Variants in ARIH2 observed in about 807,000 individuals in gnomAD.
ARIH2 encodes the protein ariadne RBR E3 ubiquitin protein ligase 2, also known as E3 ubiquitin-protein ligase ARIH2.
A neutral mutation model predicts 79.8 loss-of-function variants in ARIH2; 12 were observed. The observed-to-expected ratio is 0.15, with a 90% CI of 0.10 to 0.24. ARIH2 has a LOEUF of 0.24. ARIH2 is among the 10% of genes least tolerant of loss of function. ARIH2 has a pLI of 1.00. For missense variants in ARIH2, 301 were observed against 618.3 expected (o/e 0.49, Z 5.44); for synonymous variants, 224 against 213.9 (o/e 1.05, Z -0.41).
chr3:48,927,972 T>C (rs2085862304), intron 3 of ARIH2, 159 bp downstream of exon 3: 1 of 918,910 alleles, frequency 1.1e-6, no homozygotes, highest in Non-Finnish European at 1.6e-6. Context: ...TTACATTTAC[T>C]TTGTTTTCTA....
At chr3:48,929,223 TC>T (rs1275985348) in intron 3 of ARIH2, among the ~76,000 whole-genome samples, 1 of 152,158 alleles carries the variant, frequency 6.6e-6, no homozygotes, top group Non-Finnish European at 1.5e-5. Context: ...ATGAGGATGT[TC>T]CTGTCTATAC....
At chr3:48,968,690 C>A in intron 7 of ARIH2, 35 bp downstream of exon 7, 1 of 1,591,812 alleles carries the variant, frequency 6.3e-7, no homozygotes, top group South Asian at 1.1e-5. Flanking sequence ...TCTGTCTTCC[C>A]GGGCCTACCT....
intron 3 of ARIH2, among the ~76,000 whole-genome samples, chr3:48,929,367 G>A (rs556641353): frequency 6.8e-6 from 1 of 148,106 alleles, no homozygotes; most frequent in Admixed American, 6.8e-5. Flanking sequence ...TTTTTTAATT[G>A]TGGTAAAATA....
chr3:48,947,459 G>GAAAAAAAAA (rs1281611380), intron 3 of ARIH2, among the ~76,000 whole-genome samples: 1 of 144,106 alleles, frequency 6.9e-6, no homozygotes, highest in African/African-American at 2.6e-5. Context: ...AAAAAAAAAG[G>GAAAAAAAAA]AAAAAAAAAG....
chr3:48,959,705 G>A (rs1301009616), intron 3 of ARIH2, among the ~76,000 whole-genome samples: 1 of 151,580 alleles, frequency 6.6e-6, no homozygotes, highest in East Asian at 1.9e-4. Context: ...AGCATGCACG[G>A]GTCAGATGCC....
At chr3:48,955,525 T>C (rs189809951) in intron 3 of ARIH2, among the ~76,000 whole-genome samples, 17 of 152,158 alleles carry the variant, frequency 1.1e-4, no homozygotes, top group Admixed American at 1.1e-3. Flanking sequence ...CTCTTCACAA[T>C]TGAACAAATT....
At chr3:48,949,227 C>T (rs549206211) in intron 3 of ARIH2, 22 of 394,404 alleles carry the variant, frequency 5.6e-5, no homozygotes, top group African/African-American at 4.5e-4. Flanking sequence ...ATGGCATTCT[C>T]CTGCCTCAGC....
At chr3:48,923,641 C>T (rs749328616) in intron 2 of ARIH2, among the ~76,000 whole-genome samples, 2 of 151,738 alleles carry the variant, frequency 1.3e-5, no homozygotes, top group Non-Finnish European at 2.9e-5. Flanking sequence ...CCTGCTTCAA[C>T]CTCCTGAGTA....
Position 48,927,608 on chromosome 3 carries a change from A to G in ARIH2, c.50A>G (p.Tyr17Cys), listed in dbSNP as rs1188970482. ...GGGTCTGACAGCAATGAAGAGGACT[A>G]TGACCCAAATTGTGAGGAAGAGGAA... The part of the protein sequence containing the change: ...SQGSDSNEED[Y>C]DPNCEEEEEE... Residue 17 changes from tyrosine (Y) to cysteine (C), a missense_variant, in exon 3 of 16, where the codon TAT becomes TGT. Tyr to Cys is a radical substitution (Grantham distance 194). This residue lies in a region of ARIH2 where 223 missense variants were observed against 349.4 expected (regional missense o/e 0.64). Transcript: ENST00000356401. 5.6e-6 allele frequency: 9 copies of G among 1,613,948 alleles called. No individual in the cohort carries two copies. Among genetic ancestry groups the G allele is most frequent in the East Asian group, 2.2e-5 (1 of 44,892 alleles).
intron 3 of ARIH2, chr3:48,934,678 G>C (rs1056946805): frequency 1.5e-5 from 15 of 985,304 alleles, no homozygotes; most frequent in Non-Finnish European, 1.7e-5. Context: ...TGTGTTTACT[G>C]ATGTGTAAAT....
intron 3 of ARIH2, among the ~76,000 whole-genome samples, chr3:48,939,219 C>T (rs1349519118): frequency 3.3e-5 from 5 of 152,018 alleles, no homozygotes; most frequent in Non-Finnish European, 1.5e-5. Context: ...CTGCCTGCCT[C>T]GGCCTCCCAA....
chr3:48,968,435 C>T, intron 6 of ARIH2, 99 bp from the exon 7 acceptor site: 2 of 1,220,210 alleles, frequency 1.6e-6, no homozygotes, highest in Non-Finnish European at 2.3e-6. Context: ...TCTCGAACTC[C>T]CGACCTCAGG....
At chr3:48,965,726 C>T (rs1185262127) in intron 5 of ARIH2, among the ~76,000 whole-genome samples, 13 of 152,134 alleles carry the variant, frequency 8.5e-5, no homozygotes, top group East Asian at 1.9e-4. Context: ...TTTGGGGGGC[C>T]GAGGCGGGCG....
At chr3:48,983,066 G>A in intron 15 of ARIH2, 87 bp downstream of exon 15, 1 of 1,495,294 alleles carries the variant, frequency 6.7e-7, no homozygotes, top group Non-Finnish European at 9.3e-7. Context: ...CTTGTGCACT[G>A]GTAGCTGCTG....
Position 48,927,544 on chromosome 3 carries a change from T to C in ARIH2, c.-15T>C. 1.2e-6 allele frequency: 2 copies of C among 1,610,874 alleles called. No individual in the cohort carries two copies. Among genetic ancestry groups the C allele is most frequent in the Non-Finnish European group, 1.7e-6 (2 of 1,178,678 alleles). On this transcript the variant is annotated 5_prime_UTR_variant, in exon 3 of 16. Transcript: ENST00000356401. ...GCAACTGCTTTCCTGATCTGCAACT[T>C]GGCTGGATGCTAAGATGTCAGTGGA...
intron 6 of ARIH2, among the ~76,000 whole-genome samples, chr3:48,967,688 A>G (rs1198909886): frequency 6.6e-6 from 1 of 152,232 alleles, no homozygotes. Flanking sequence ...TGATACTGAA[A>G]CACATTAGCA....
chr3:48,970,699 C>T lies in ARIH2; in HGVS notation c.765C>T (p.Val255=), dbSNP rs753216184. The part of the protein sequence containing the change: ...RRVQCNRCNE[V]FCFKCRQMYH... ...TACAGTGCAATCGGTGCAACGAGGT[C>T]TTCTGGTAAGAGTGAGTGTGAGTGC... The change falls in exon 8 of 16, where the codon GTC becomes GTT. Residue 255 remains valine, a synonymous_variant. Coordinates refer to ENST00000356401, the MANE Select transcript of ARIH2 (RefSeq NM_006321.4). 2 of 1,613,212 alleles carry T rather than the reference C, an allele frequency of 1.2e-6. No homozygotes were observed. The highest frequency in any genetic ancestry group is 2.2e-5 in the South Asian group (2 of 91,040).
chr3:48,973,381 T>A (rs531306988), intron 8 of ARIH2, among the ~76,000 whole-genome samples: 1 of 152,104 alleles, frequency 6.6e-6, no homozygotes, highest in African/African-American at 2.4e-5. Context: ...ATCGAGACCA[T>A]CCTGGCTAAC....
At chr3:48,953,741 G>A (rs895445385) in intron 3 of ARIH2, among the ~76,000 whole-genome samples, 3 of 151,070 alleles carry the variant, frequency 2.0e-5, no homozygotes, top group African/African-American at 4.8e-5. Flanking sequence ...GAGTCACCCC[G>A]GCTGGAGCGT....
Sources: gnomAD v4.1 joint callset for allele counts (sites outside exome capture counted in the v4.1 genomes callset) on GRCh38, gnomAD v4.1.1 for gene constraint, gnomAD v4.1.1 regional missense constraint, MANE v1.5 for transcripts, NCBI Gene and HGNC (gene_info 2026-07-23, HGNC 2026-07-21) for gene names.